The following SH3D19 variants were observed in gnomAD, a reference collection of about 807,000 sequenced individuals.
The protein encoded by SH3D19 is SH3 domain containing 19, also known as SH3 domain-containing protein 19.
Under a neutral mutation model 112.1 loss-of-function variants are expected in SH3D19, and 58 were observed. The ratio of observed to expected loss-of-function variants is 0.52; its 90% CI spans 0.42 to 0.64. The LOEUF (loss-of-function observed/expected upper bound fraction) is 0.64. SH3D19 is among the 30% of genes least tolerant of loss of function. The pLI, the probability that SH3D19 is intolerant of heterozygous loss-of-function variation, is 0.00. For synonymous variants in SH3D19, 391 were observed against 448.5 expected (o/e 0.87, Z 1.62); for missense variants, 1,090 against 1,263.4 (o/e 0.86, Z 2.08).
At chr4:151,205,047 C>T (rs989348808) in intron 2 of SH3D19, among the ~76,000 whole-genome samples, 1 of 152,142 alleles carries the variant, frequency 6.6e-6, no homozygotes, top group Non-Finnish European at 1.5e-5. Flanking sequence ...TCTCGAACTC[C>T]TGACTTCAGG....
At chr4:151,222,160 A>G (rs1020645886) in intron 2 of SH3D19, among the ~76,000 whole-genome samples, 1 of 152,210 alleles carries the variant, frequency 6.6e-6, no homozygotes, top group Non-Finnish European at 1.5e-5. Context: ...TTTTGTGCAG[A>G]AATATATCCC....
chr4:151,130,376 C>T (rs1455876607), intron 17 of SH3D19, among the ~76,000 whole-genome samples: 1 of 151,996 alleles, frequency 6.6e-6, no homozygotes, highest in African/African-American at 2.4e-5. Context: ...GCAGAGGTTG[C>T]AGTGAGCTGA....
intron 2 of SH3D19, among the ~76,000 whole-genome samples, chr4:151,198,759 T>C (rs1421604836): frequency 2.0e-5 from 3 of 152,118 alleles, no homozygotes; most frequent in Admixed American, 1.3e-4. Flanking sequence ...TAAAAAAACA[T>C]TTTAAACACT....
chr4:151,293,252 C>T (rs566208463), intron 1 of SH3D19, among the ~76,000 whole-genome samples: 15 of 152,088 alleles, frequency 9.9e-5, no homozygotes, highest in African/African-American at 2.7e-4. Flanking sequence ...GGGCAGATCA[C>T]GAGGTCAGGA....
intron 19 of SH3D19, among the ~76,000 whole-genome samples, chr4:151,125,186 T>G (rs1748933940): frequency 6.6e-6 from 1 of 152,236 alleles, no homozygotes; most frequent in African/African-American, 2.4e-5. Flanking sequence ...CTATCATTTA[T>G]GGCTGGGTGT....
At chr4:151,255,242 C>T (rs1464298699) in intron 1 of SH3D19, among the ~76,000 whole-genome samples, 6 of 147,720 alleles carry the variant, frequency 4.1e-5, no homozygotes, top group Admixed American at 2.0e-4. Flanking sequence ...GGGCGGCTGC[C>T]GGGCGGAGGG....
At chr4:151,123,130 G>A (rs374518448) in intron 19 of SH3D19, among the ~76,000 whole-genome samples, 10 of 152,286 alleles carry the variant, frequency 6.6e-5, no homozygotes, top group South Asian at 2.1e-4. Context: ...GGTTACAGGC[G>A]TGAGCCACTG....
At chr4:151,126,227 T>G (rs1035623362) in intron 19 of SH3D19, among the ~76,000 whole-genome samples, 2 of 152,164 alleles carry the variant, frequency 1.3e-5, no homozygotes, top group Admixed American at 6.6e-5. Context: ...TGCTCGGCCT[T>G]TTTCTCATCT....
chr4:151,154,634 T>C (rs1755739114), intron 9 of SH3D19, among the ~76,000 whole-genome samples: 1 of 151,984 alleles, frequency 6.6e-6, no homozygotes, highest in South Asian at 2.1e-4. Flanking sequence ...TGGAGTGCAG[T>C]GGTGCGATCT....
chr4:151,285,678 G>A (rs1580408159), intron 1 of SH3D19, among the ~76,000 whole-genome samples: 1 of 152,102 alleles, frequency 6.6e-6, no homozygotes, highest in East Asian at 1.9e-4. Context: ...ACCAGCCTGG[G>A]CAACATAGTG....
intron 2 of SH3D19, among the ~76,000 whole-genome samples, chr4:151,210,761 T>C (rs1765843415): frequency 6.6e-6 from 1 of 152,224 alleles, no homozygotes; most frequent in Admixed American, 6.5e-5. Context: ...ACCACCAATA[T>C]ACTAACAGCA....
At position 151,150,207 on chromosome 4, in the gene SH3D19, ATAT is replaced by A. The variant is rs1268596908; in HGVS notation, c.1756-649_1756-647del. ...CTCAAAAAAAAAAAAAAAAAAAAAA[ATAT>A]ATATATATATATATATATACACACA... On this transcript the variant is annotated intron_variant, in intron 9 of 19. Transcript: ENST00000604030. Among the ~76,000 whole-genome samples, 165 of 23,714 alleles carry A rather than the reference ATAT, an allele frequency of 7.0e-3. 10 individuals carry two copies. The highest frequency in any genetic ancestry group is 0.017 in the African/African-American group (151 of 8,846). 15.6% of individuals were successfully genotyped at this position (23,714 alleles called of 152,430 possible).
chr4:151,299,154 A>C (rs1728085788), intron 1 of SH3D19, among the ~76,000 whole-genome samples: 1 of 152,260 alleles, frequency 6.6e-6, no homozygotes. Flanking sequence ...AAAGCTTCAG[A>C]GTTCACAGGT....
intron 1 of SH3D19, chr4:151,262,657 T>C (rs949722602): frequency 2.0e-5 from 3 of 149,154 alleles, no homozygotes; most frequent in African/African-American, 7.5e-5. Context: ...TTGCTCTATG[T>C]ACTGTCTAGC....
intron 10 of SH3D19, 75 bp downstream of exon 10, chr4:151,149,425 C>T: frequency 8.2e-7 from 1 of 1,222,634 alleles, no homozygotes; most frequent in Non-Finnish European, 1.2e-6. Flanking sequence ...GCCAACAACA[C>T]TCAATCTTGG....
At chr4:151,171,025 C>T (rs1317905337) in intron 7 of SH3D19, among the ~76,000 whole-genome samples, 1 of 152,140 alleles carries the variant, frequency 6.6e-6, no homozygotes, top group Non-Finnish European at 1.5e-5. Context: ...TAATAGGTCT[C>T]CCTCCCTTTT....
chr4:151,195,393 A>G (rs904835244), intron 2 of SH3D19, among the ~76,000 whole-genome samples: 28 of 138,418 alleles, frequency 2.0e-4, no homozygotes, highest in East Asian at 5.8e-4. Flanking sequence ...AAAAAAAAAA[A>G]AAAAGAAAAA....
At chr4:151,206,637 A>G (rs1007258513) in intron 2 of SH3D19, among the ~76,000 whole-genome samples, 1 of 152,158 alleles carries the variant, frequency 6.6e-6, no homozygotes, top group Non-Finnish European at 1.5e-5. Flanking sequence ...AAATTACGGT[A>G]TTGTTATCAT....
At chr4:151,297,516 G>A (rs76987850) in intron 1 of SH3D19, among the ~76,000 whole-genome samples, 1 of 152,200 alleles carries the variant, frequency 6.6e-6, no homozygotes, top group African/African-American at 2.4e-5. Context: ...GACAAATCTA[G>A]AGACAGTTGG....
Sources: gnomAD v4.1 joint callset for allele counts (sites outside exome capture counted in the v4.1 genomes callset) on GRCh38, gnomAD v4.1.1 for gene constraint, MANE v1.5 for transcripts, NCBI Gene and HGNC (gene_info 2026-07-23, HGNC 2026-07-21) for gene names.